COL24A1: variants seen among roughly 807,000 people sequenced by gnomAD.
COL24A1 encodes collagen type XXIV alpha 1 chain.
In COL24A1, 224 loss-of-function variants were observed where a neutral mutation model predicts 253.9. That is an observed-to-expected ratio of 0.88 (90% CI 0.79 to 0.99). The LOEUF (loss-of-function observed/expected upper bound fraction) is 0.99. Ranked by LOEUF, COL24A1 falls within the 50% of genes least tolerant of loss-of-function variation. COL24A1 has a pLI of 0.00. For synonymous variants in COL24A1, 685 were observed against 673.7 expected, an observed-to-expected ratio of 1.02 and a Z score of -0.26; for missense variants, 2,131 against 2,068.5, an observed-to-expected ratio of 1.03 and a Z score of -0.59.
chr1:85,882,112 T>C (rs1294244553), intron 32 of COL24A1, among the ~76,000 whole-genome samples: 1 of 152,198 alleles, frequency 6.6e-6, no homozygotes, highest in Non-Finnish European at 1.5e-5. Flanking sequence ...AATCTCCAAA[T>C]GTTTTGGGAT....
At chr1:85,761,149 T>C (rs1235297602) in intron 55 of COL24A1, among the ~76,000 whole-genome samples, 1 of 152,150 alleles carries the variant, frequency 6.6e-6, no homozygotes, top group Non-Finnish European at 1.5e-5. Context: ...GCTGCATGCT[T>C]TACTTCTTAC....
rs550002996 is a variant in COL24A1 at position 86,115,465 on chromosome 1, A to G, written c.1492-87T>C. Reference sequence around the variant, plus strand: ...CTGAATAAGATTTCCACCCAAAGACAACTCTTTTTCAGTCCCCAGTTCCCA... The same window carrying G: ...CTGAATAAGATTTCCACCCAAAGACGACTCTTTTTCAGTCCCCAGTTCCCA... On this transcript the variant is annotated intron_variant, in intron 3 of 59. Transcript: ENST00000370571. 5.4e-5 allele frequency: 71 copies of G among 1,326,450 alleles called. No homozygotes were observed. In the Middle Eastern group the frequency reaches 5.5e-4, roughly 10 times the overall value. The allele number at this position is 1,326,450 out of a possible 1,614,324, so 82.2% of individuals were successfully genotyped here.
intron 28 of COL24A1, among the ~76,000 whole-genome samples, chr1:85,904,542 GT>G (rs1289549799): frequency 6.6e-6 from 1 of 152,008 alleles, no homozygotes; most frequent in African/African-American, 2.4e-5. Flanking sequence ...ATTAGCTTTG[GT>G]ATGTTAAACT....
At chr1:85,923,053 A>C (rs1237952530) in intron 24 of COL24A1, among the ~76,000 whole-genome samples, 1 of 152,236 alleles carries the variant, frequency 6.6e-6, no homozygotes, top group Non-Finnish European at 1.5e-5. Context: ...TAAACCAACA[A>C]AGATCAAAAG....
chr1:85,773,826 T>A (rs1668241773), intron 53 of COL24A1, among the ~76,000 whole-genome samples: 1 of 152,166 alleles, frequency 6.6e-6, no homozygotes, highest in Non-Finnish European at 1.5e-5. Context: ...ATGGAGACAA[T>A]TTGACTTCCT....
At chr1:86,150,099 G>T (rs1013557813) in intron 1 of COL24A1, among the ~76,000 whole-genome samples, 1 of 152,130 alleles carries the variant, frequency 6.6e-6, no homozygotes, top group Non-Finnish European at 1.5e-5. Context: ...CCACTGGAAA[G>T]ACCTTGTATA....
intron 28 of COL24A1, among the ~76,000 whole-genome samples, chr1:85,906,894 C>A (rs1305631350): frequency 1.3e-5 from 2 of 151,710 alleles, no homozygotes; most frequent in Non-Finnish European, 3.0e-5. Flanking sequence ...TAAAGATCTT[C>A]ACATTTACCA....
chr1:85,773,143 T>C (rs1178621079), intron 53 of COL24A1, among the ~76,000 whole-genome samples: 1 of 152,170 alleles, frequency 6.6e-6, no homozygotes, highest in Non-Finnish European at 1.5e-5. Context: ...TCTACATTGC[T>C]TGTGTGTGTC....
intron 19 of COL24A1, among the ~76,000 whole-genome samples, chr1:85,996,795 G>C (rs1254622370): frequency 6.6e-6 from 1 of 151,934 alleles, no homozygotes; most frequent in Non-Finnish European, 1.5e-5. Context: ...ATATTCTGGA[G>C]ACTGTTTATC....
At chr1:86,059,631 A>G (rs151304179) in intron 8 of COL24A1, among the ~76,000 whole-genome samples, 1 of 152,182 alleles carries the variant, frequency 6.6e-6, no homozygotes, top group East Asian at 1.9e-4. Flanking sequence ...TTAACCTTAC[A>G]GTGAGTCTGA....
chr1:86,027,672 T>C (rs2101447382), intron 14 of COL24A1, among the ~76,000 whole-genome samples: 1 of 151,724 alleles, frequency 6.6e-6, no homozygotes, highest in South Asian at 2.1e-4. Flanking sequence ...GAATCTCTGC[T>C]AGGACAGTGT....
At chr1:85,885,216 T>G (rs555709086) in intron 32 of COL24A1, among the ~76,000 whole-genome samples, 14 of 151,602 alleles carry the variant, frequency 9.2e-5, no homozygotes, top group Admixed American at 9.2e-4. Context: ...ATTTACTTAT[T>G]TAGAGGCAGA....
intron 24 of COL24A1, among the ~76,000 whole-genome samples, chr1:85,915,122 T>C (rs541218918): frequency 6.6e-6 from 1 of 152,310 alleles, no homozygotes; most frequent in South Asian, 2.1e-4. Flanking sequence ...CCTTTCCCAA[T>C]GTGGGTGGGC....
At chr1:85,858,265 A>G (rs1049448372) in intron 37 of COL24A1, among the ~76,000 whole-genome samples, 1 of 152,220 alleles carries the variant, frequency 6.6e-6, no homozygotes, top group African/African-American at 2.4e-5. Context: ...ATGACTGTCC[A>G]TTGCAATGAG....
chr1:85,961,439 A>T, intron 23 of COL24A1, 146 bp from the exon 24 acceptor site: 2 of 645,408 alleles, frequency 3.1e-6, no homozygotes, highest in Non-Finnish European at 5.4e-6. Flanking sequence ...AAACTTTGTT[A>T]TAAGTGGAGC....
At chr1:85,772,813 G>C (rs1236474517) in intron 53 of COL24A1, among the ~76,000 whole-genome samples, 2 of 152,166 alleles carry the variant, frequency 1.3e-5, no homozygotes, top group Non-Finnish European at 2.9e-5. Flanking sequence ...CTACCATTCT[G>C]TAGGTTGCCT....
intron 35 of COL24A1, among the ~76,000 whole-genome samples, chr1:85,872,671 T>G (rs1363926085): frequency 2.0e-5 from 3 of 152,164 alleles, no homozygotes; most frequent in African/African-American, 4.8e-5. Flanking sequence ...TTCTTACACC[T>G]TATACAAAAA....
chr1:86,044,679 A>G (rs913381992), intron 12 of COL24A1, among the ~76,000 whole-genome samples: 1 of 152,192 alleles, frequency 6.6e-6, no homozygotes, highest in Admixed American at 6.5e-5. Context: ...TTTAAATTCA[A>G]TAGACTCCTG....
chr1:86,075,840 A>C (rs540872030), intron 7 of COL24A1, among the ~76,000 whole-genome samples: 28 of 152,300 alleles, frequency 1.8e-4, no homozygotes, highest in African/African-American at 6.3e-4. Flanking sequence ...ATAAAATTCA[A>C]CAGCCCTTCA....
Sources: gnomAD v4.1 joint callset for allele counts (sites outside exome capture counted in the v4.1 genomes callset) on GRCh38, gnomAD v4.1.1 for gene constraint, MANE v1.5 for transcripts, NCBI Gene and HGNC (gene_info 2026-07-23, HGNC 2026-07-21) for gene names.